NRG3: variants seen among roughly 807,000 people sequenced by gnomAD.
NRG3 encodes pro-neuregulin-3, membrane-bound isoform.
NRG3 carries 31 observed loss-of-function variants against 66.9 expected under a neutral mutation model. The observed-to-expected ratio is 0.46, with a 90% CI of 0.35 to 0.63. The LOEUF (loss-of-function observed/expected upper bound fraction) is 0.63. Among genes scored for constraint, NRG3 ranks in the 20% least tolerant of loss-of-function variants. NRG3 has a pLI of 0.00. For missense variants in NRG3, 910 were observed against 878.9 expected, an observed-to-expected ratio of 1.04 and a Z score of -0.45; for synonymous variants, 393 against 359.4, an observed-to-expected ratio of 1.09 and a Z score of -1.06.
At chr10:82,163,118 C>T (rs2071734375) in intron 1 of NRG3, among the ~76,000 whole-genome samples, 1 of 152,098 alleles carries the variant, frequency 6.6e-6, no homozygotes, top group Non-Finnish European at 1.5e-5. Context: ...TTATTGGCCT[C>T]TTTTCAGAAG....
intron 2 of NRG3, among the ~76,000 whole-genome samples, chr10:82,482,198 G>A (rs1339277277): frequency 6.6e-6 from 1 of 152,024 alleles, no homozygotes; most frequent in Non-Finnish European, 1.5e-5. Context: ...TTGGGCAAAT[G>A]TAAATATACC....
chr10:82,669,195 G>T (rs2053047981), intron 2 of NRG3, among the ~76,000 whole-genome samples: 2 of 151,226 alleles, frequency 1.3e-5, no homozygotes, highest in Non-Finnish European at 2.9e-5. Flanking sequence ...GGGAGTTTCA[G>T]TAATAAGCAA....
Position 81,875,483 on chromosome 10 carries a change from C to T in NRG3, c.143C>T (p.Pro48Leu). The T allele has an allele frequency of 1.5e-6, 2 of 1,368,614 alleles. No homozygotes were observed. The highest frequency in any genetic ancestry group is 9.5e-7 in the Non-Finnish European group (1 of 1,050,032). The allele number at this position is 1,368,614 out of a possible 1,614,324, so 84.8% of individuals were successfully genotyped here. A position where few individuals can be genotyped will look rare whatever the true frequency, so the allele number is the denominator to read the frequency against. Residue 48 changes from proline to leucine, a missense_variant, in exon 1 of 9, where the codon CCC becomes CTC. Physicochemically the swap from Pro to Leu is moderately conservative, Grantham distance 98 (BLOSUM62 -3). Transcript: ENST00000372141. The surrounding 1 kb of genome is among the most constrained non-coding windows in gnomAD (Gnocchi z 5.3). ...GGCGGCGGCGAAGGGGCGGCCGAGC[C>T]CCCCCGGGAGTTACGCTGTAGCGAC... ...PDGGGEGAAEPPRELRCSDCI... is the reference protein window; with the variant it reads ...PDGGGEGAAELPRELRCSDCI...
intron 1 of NRG3, among the ~76,000 whole-genome samples, chr10:82,132,470 T>G (rs1282123385): frequency 1.2e-4 from 15 of 122,962 alleles, no homozygotes; most frequent in South Asian, 9.7e-4. Flanking sequence ...ATATATATGA[T>G]ATATATATGA....
chr10:81,886,626 G>A (rs1331411139), intron 1 of NRG3, among the ~76,000 whole-genome samples: 1 of 152,112 alleles, frequency 6.6e-6, no homozygotes, highest in Non-Finnish European at 1.5e-5. Flanking sequence ...TGTTTACTCA[G>A]AGAAAAGCCT....
chr10:82,408,571 G>A (rs1028079922), intron 2 of NRG3, among the ~76,000 whole-genome samples: 7 of 150,686 alleles, frequency 4.6e-5, no homozygotes, highest in African/African-American at 1.7e-4. Context: ...CTTGATGAAC[G>A]TTTCAAGAAC....
intron 2 of NRG3, among the ~76,000 whole-genome samples, chr10:82,588,134 C>A (rs1306447395): frequency 1.3e-5 from 2 of 152,106 alleles, no homozygotes; most frequent in Non-Finnish European, 2.9e-5. Flanking sequence ...ACAGGCCTAC[C>A]CAGGACCTCC....
intron 1 of NRG3, among the ~76,000 whole-genome samples, chr10:81,997,703 TG>T (rs1407801964): frequency 6.6e-6 from 1 of 152,084 alleles, no homozygotes; most frequent in Non-Finnish European, 1.5e-5. Context: ...GCACAGTGCT[TG>T]GACCATAATC....
At chr10:82,780,773 G>A (rs929692700) in intron 3 of NRG3, among the ~76,000 whole-genome samples, 1 of 152,042 alleles carries the variant, frequency 6.6e-6, no homozygotes, top group African/African-American at 2.4e-5. Flanking sequence ...CCACCAGTGA[G>A]GACCAAAAGT....
chr10:82,141,394 G>A (rs933082250), intron 1 of NRG3, among the ~76,000 whole-genome samples: 2 of 152,152 alleles, frequency 1.3e-5, no homozygotes, highest in Non-Finnish European at 2.9e-5. Flanking sequence ...CCTGCAGACT[G>A]AAAGTCAGCC....
At chr10:82,271,394 T>C (rs892312529) in intron 1 of NRG3, among the ~76,000 whole-genome samples, 4 of 152,070 alleles carry the variant, frequency 2.6e-5, no homozygotes, top group African/African-American at 9.7e-5. Context: ...ATCAGGGCGA[T>C]TGCAAAAATT....
intron 1 of NRG3, among the ~76,000 whole-genome samples, chr10:81,969,982 C>T (rs1007086702): frequency 6.6e-6 from 1 of 152,038 alleles, no homozygotes; most frequent in South Asian, 2.1e-4. Flanking sequence ...AGAGGAGACT[C>T]CGATTTAAAT....
chr10:81,965,055 G>T (rs1564696058), intron 1 of NRG3, among the ~76,000 whole-genome samples: 1 of 152,082 alleles, frequency 6.6e-6, no homozygotes, highest in South Asian at 2.1e-4. Flanking sequence ...GCATCATTGG[G>T]CATTAGAACA....
At chr10:82,137,280 T>C (rs1014205140) in intron 1 of NRG3, among the ~76,000 whole-genome samples, 6 of 152,172 alleles carry the variant, frequency 3.9e-5, no homozygotes, top group Non-Finnish European at 8.8e-5. Flanking sequence ...TAGAACCAAC[T>C]CTCTGCTCTG....
intron 1 of NRG3, among the ~76,000 whole-genome samples, chr10:82,330,697 C>T (rs1226180929): frequency 6.6e-6 from 1 of 152,140 alleles, no homozygotes; most frequent in East Asian, 1.9e-4. Context: ...TTTCCTACCT[C>T]GTTGTAAGTA....
At chr10:82,862,817 T>G (rs1564578132) in intron 3 of NRG3, among the ~76,000 whole-genome samples, 1 of 152,190 alleles carries the variant, frequency 6.6e-6, no homozygotes, top group African/African-American at 2.4e-5. Flanking sequence ...TTGCCAAATT[T>G]TCTACAAACT....
intron 1 of NRG3, among the ~76,000 whole-genome samples, chr10:81,905,331 C>T (rs1188546977): frequency 6.6e-6 from 1 of 152,130 alleles, no homozygotes; most frequent in East Asian, 1.9e-4. Context: ...TTTCCCATTC[C>T]TCTAGGTTTG....
intron 4 of NRG3, among the ~76,000 whole-genome samples, chr10:82,886,541 C>A (rs370201879): frequency 6.6e-6 from 1 of 152,140 alleles, no homozygotes; most frequent in African/African-American, 2.4e-5. Context: ...TGGAATAATA[C>A]GAGCAATACA....
chr10:82,204,024 C>A (rs1187082152), intron 1 of NRG3, among the ~76,000 whole-genome samples: 1 of 151,888 alleles, frequency 6.6e-6, no homozygotes, highest in Non-Finnish European at 1.5e-5. Flanking sequence ...ATAGTAAATT[C>A]TTTTGAGAGT....
Sources: allele counts gnomAD v4.1 joint callset (sites outside exome capture counted in the v4.1 genomes callset), GRCh38; gene constraint gnomAD v4.1.1; non-coding constraint Gnocchi (gnomAD v3.1); transcripts MANE v1.5; gene names NCBI Gene and HGNC (gene_info 2026-07-23, HGNC 2026-07-21).